Variants in SORBS2 observed in about 807,000 individuals in gnomAD.
SORBS2 encodes sorbin and SH3 domain-containing protein 2.
In SORBS2, 46 loss-of-function variants were observed where a neutral mutation model predicts 97.7. The ratio of observed to expected loss-of-function variants is 0.47; its 90% CI spans 0.37 to 0.60. The LOEUF is 0.60. SORBS2 is among the 20% of genes least tolerant of loss of function. SORBS2 has a pLI of 0.00. For synonymous variants in SORBS2, 476 were observed against 473.4 expected, an observed-to-expected ratio of 1.01 and a Z score of -0.07; for missense variants, 1,316 against 1,282.3, an observed-to-expected ratio of 1.03 and a Z score of -0.40.
At chr4:185,816,932 C>T (rs567803521) in intron 1 of SORBS2, among the ~76,000 whole-genome samples, 1 of 152,290 alleles carries the variant, frequency 6.6e-6, no homozygotes, top group East Asian at 1.9e-4. Flanking sequence ...TTAGTTGTTC[C>T]TAGAACCCCC....
chr4:185,856,320 G>A (rs1007816996), intron 1 of SORBS2, among the ~76,000 whole-genome samples: 3 of 151,966 alleles, frequency 2.0e-5, no homozygotes, highest in Admixed American at 6.6e-5. Flanking sequence ...CTTCCTTTTA[G>A]GTAAAACCCC....
At chr4:185,775,910 G>GCTACTGGGTTAAGCGTTGACATCTCTTAT (rs1433604518) in intron 1 of SORBS2, 4 of 152,268 alleles carry the variant, frequency 2.6e-5, no homozygotes, top group African/African-American at 9.6e-5. Flanking sequence ...ATTTTTGAAA[G>GCTACTGGGTTAAGCGTTGACATCTCTTAT]CTACTGGGTT....
At chr4:185,867,856 A>AG (rs961503350) in intron 1 of SORBS2, among the ~76,000 whole-genome samples, 34 of 152,028 alleles carry the variant, frequency 2.2e-4, no homozygotes, top group African/African-American at 7.5e-4. Context: ...CTACACCTCG[A>AG]GGGGGCACCG....
intron 1 of SORBS2, among the ~76,000 whole-genome samples, chr4:185,784,343 G>A (rs1322996546): frequency 1.3e-5 from 2 of 152,158 alleles, no homozygotes; most frequent in Non-Finnish European, 2.9e-5. Flanking sequence ...TGTTGGCCAG[G>A]ATGGTCTCGA....
chr4:185,879,037 T>G (rs1161252617), intron 1 of SORBS2, among the ~76,000 whole-genome samples: 1 of 152,202 alleles, frequency 6.6e-6, no homozygotes, highest in African/African-American at 2.4e-5. Context: ...TTTTAATTAT[T>G]ATACTTTAAG....
At chr4:185,588,811 CACCATGTTG>C (rs2095853393) in intron 14 of SORBS2, among the ~76,000 whole-genome samples, 1 of 152,132 alleles carries the variant, frequency 6.6e-6, no homozygotes, top group Admixed American at 6.5e-5. Context: ...TACGGGGTTT[CACCATGTTG>C]ACCAGGCTGG....
rs531104251 is a variant in SORBS2 at position 185,822,653 on chromosome 4, G to A, written c.-337-47287C>T. ...GTAGATTGTGGCACAGCCACGCCAT[G>A]GGAGATGCTCAGTGTTGAAAAGTCA... On this transcript the variant is annotated intron_variant, in intron 1 of 20. Transcript: ENST00000284776. Among the ~76,000 whole-genome samples the A allele has an allele frequency of 2.6e-5, 4 of 152,342 alleles. No homozygotes were observed. In the East Asian group the frequency reaches 7.7e-4, roughly 29 times the overall value.
At chr4:185,921,091 A>G (rs1425152650) in intron 1 of SORBS2, among the ~76,000 whole-genome samples, 1 of 152,194 alleles carries the variant, frequency 6.6e-6, no homozygotes, top group African/African-American at 2.4e-5. Context: ...CCCCTTCATG[A>G]TTAAAGAGCA....
At chr4:185,934,721 C>T (rs1039923053) in intron 1 of SORBS2, among the ~76,000 whole-genome samples, 1 of 150,716 alleles carries the variant, frequency 6.6e-6, no homozygotes, top group African/African-American at 2.4e-5. Context: ...GAGGCGGAGG[C>T]TGCAGTGAGC....
chr4:185,641,094 A>G (rs2097117722), intron 4 of SORBS2, among the ~76,000 whole-genome samples: 1 of 151,886 alleles, frequency 6.6e-6, no homozygotes, highest in South Asian at 2.1e-4. Flanking sequence ...TATGTAACAA[A>G]TGGATATACC....
chr4:185,822,969 C>T (rs539153323), intron 1 of SORBS2, among the ~76,000 whole-genome samples: 2 of 152,206 alleles, frequency 1.3e-5, no homozygotes, highest in Non-Finnish European at 2.9e-5. Context: ...ATGCAGGAAG[C>T]TGCCTTTCCT....
chr4:185,776,580 C>A (rs1167304808), intron 1 of SORBS2, among the ~76,000 whole-genome samples: 2 of 151,902 alleles, frequency 1.3e-5, no homozygotes, highest in Non-Finnish European at 2.9e-5. Context: ...GGCTTTCCAT[C>A]GGGAGATGAA....
chr4:185,786,270 G>A (rs1483347689), intron 1 of SORBS2, among the ~76,000 whole-genome samples: 9 of 152,168 alleles, frequency 5.9e-5, no homozygotes, highest in East Asian at 3.9e-4. Flanking sequence ...AGTCTCCTTC[G>A]AGCAACAGCA....
At chr4:185,809,363 G>A (rs555110790) in intron 1 of SORBS2, among the ~76,000 whole-genome samples, 1 of 142,880 alleles carries the variant, frequency 7.0e-6, no homozygotes, top group Non-Finnish European at 1.5e-5. Flanking sequence ...CAGTGAGGGG[G>A]GATGTCTAGC....
At chr4:185,941,154 C>T (rs1029819433) in intron 1 of SORBS2, among the ~76,000 whole-genome samples, 2 of 152,202 alleles carry the variant, frequency 1.3e-5, no homozygotes, top group Non-Finnish European at 2.9e-5. Context: ...AGACTTACCA[C>T]GTGCCGGACA....
chr4:185,955,420 T>C (rs552141320), intron 1 of SORBS2, among the ~76,000 whole-genome samples: 1 of 152,220 alleles, frequency 6.6e-6, no homozygotes, highest in Non-Finnish European at 1.5e-5. Context: ...TGAAAGTCCC[T>C]GTTATAGCTA....
rs201392254 is a variant in SORBS2, at chr4:185,623,298, G to A, written c.1831C>T (p.Arg611Trp). 6 of 1,613,806 alleles carry A rather than the reference G, an allele frequency of 3.7e-6. No individual in the cohort carries two copies. The highest frequency in any genetic ancestry group is 2.2e-5 in the East Asian group (1 of 44,872). ...TTAGGAGCCGAATTTTTTTTCCTCC[G>A]GAAAGGCACAGGACTGACTAGAAAA... The change falls in exon 7 of 15, where the codon CGG (arginine) becomes TGG (tryptophan). Residue 611 changes from arginine to tryptophan, a missense_variant. Physicochemically the swap from Arg to Trp is moderately radical, Grantham distance 101. Transcript: ENST00000418609. The surrounding 1 kb of genome is among the most constrained non-coding windows in gnomAD (Gnocchi z 6.4).
intron 2 of SORBS2, among the ~76,000 whole-genome samples, chr4:185,690,294 C>T (rs1468824989): frequency 1.3e-5 from 2 of 152,136 alleles, no homozygotes; most frequent in African/African-American, 4.8e-5. Flanking sequence ...GACATACTAC[C>T]TCTTCCTATT....
At chr4:185,935,936 C>T (rs1205418069) in intron 1 of SORBS2, among the ~76,000 whole-genome samples, 1 of 152,222 alleles carries the variant, frequency 6.6e-6, no homozygotes, top group East Asian at 1.9e-4. Context: ...ACTGCAGCCT[C>T]TTTCTCCCAG....
Sources: gnomAD v4.1 joint callset for allele counts (sites outside exome capture counted in the v4.1 genomes callset) on GRCh38, gnomAD v4.1.1 for gene constraint, Gnocchi (gnomAD v3.1) non-coding constraint, MANE v1.5 for transcripts, NCBI Gene and HGNC (gene_info 2026-07-23, HGNC 2026-07-21) for gene names.